Variants in BCAS3 observed in about 807,000 individuals in gnomAD.
The protein encoded by BCAS3 is BCAS4/BCAS3 fusion.
BCAS3 carries 53 observed loss-of-function variants against 116.1 expected under a neutral mutation model. The observed-to-expected ratio is 0.46, with a 90% confidence interval of 0.37 to 0.57. BCAS3 has a LOEUF of 0.57. Among genes scored for constraint, BCAS3 ranks in the 20% least tolerant of loss-of-function variants. The pLI is 0.00. For synonymous variants in BCAS3, 391 were observed against 408.2 expected, an observed-to-expected ratio of 0.96 and a Z score of 0.51; for missense variants, 917 against 1,165.4, an observed-to-expected ratio of 0.79 and a Z score of 3.10.
Position 61,392,213 on chromosome 17 carries a change from G to A in BCAS3, c.*88G>A. Reference sequence around the variant, plus strand: ...GCTCTGGTCCTACCCTTCAGTCTCTGCTCTTCCTTCATCAACCACCTTCCC... The same window carrying A: ...GCTCTGGTCCTACCCTTCAGTCTCTACTCTTCCTTCATCAACCACCTTCCC... On this transcript the variant is annotated 3_prime_UTR_variant, in exon 24 of 24. Transcript: ENST00000407086. This position sits in a 1 kb window ranked among gnomAD's most constrained non-coding sequence, Gnocchi z 6.4. The A allele has an allele frequency of 6.9e-7, 1 of 1,452,540 alleles. No homozygotes were observed. Among genetic ancestry groups the A allele is most frequent in the Admixed American group, 2.2e-5 (1 of 46,238 alleles). 90.0% of individuals were successfully genotyped at this position (1,452,540 alleles called of 1,614,324 possible). A position where few individuals can be genotyped will look rare whatever the true frequency, so the allele number is the denominator to read the frequency against.
rs372123212 is a variant in BCAS3 at position 61,222,677 on chromosome 17, TTTTG to T, written c.2425+138125_2425+138128del. Among the ~76,000 whole-genome samples the T allele has an allele frequency of 5.2e-3, 798 of 152,266 alleles. 5 individuals carry two copies. The highest frequency in any genetic ancestry group is 0.018 in the African/African-American group (751 of 41,560). ...TTATGTCACGTGGTATATGGGTTTT[TTTTG>T]TTTGTTTGTTTAATTTTCATTCAGC... is the stretch of plus-strand genomic sequence containing the variant. On this transcript the variant is annotated intron_variant, in intron 22 of 23. Coordinates refer to ENST00000407086, the MANE Select transcript of BCAS3 (RefSeq NM_017679.5). This position sits in a 1 kb window ranked among gnomAD's most constrained non-coding sequence, Gnocchi z 6.1.
At position 60,928,925 on chromosome 17, in the gene BCAS3, A is replaced by G. The variant is rs2059498272; in HGVS notation, c.1087+4425A>G. On this transcript the variant is annotated intron_variant, in intron 13 of 23. Transcript: ENST00000407086. ...ACATATACACACACATACATAGAGG[A>G]CATGTTTTAGTGAGGAAACTGCATT... Among the ~76,000 whole-genome samples the G allele has an allele frequency of 2.6e-5, 4 of 152,182 alleles. No individual in the cohort carries two copies. The South Asian group carries it at 6.2e-4, about 24-fold the overall frequency.
chr17:61,275,768 G>A (rs1050604438), intron 22 of BCAS3, among the ~76,000 whole-genome samples: 2 of 152,124 alleles, frequency 1.3e-5, no homozygotes, highest in Non-Finnish European at 2.9e-5. Flanking sequence ...CATCAGTGAC[G>A]GTAAGCATAA....
At chr17:60,885,744 C>A (rs943908096) in intron 9 of BCAS3, among the ~76,000 whole-genome samples, 1 of 146,632 alleles carries the variant, frequency 6.8e-6, no homozygotes, top group Non-Finnish European at 1.5e-5. Context: ...GTTGAAAATT[C>A]TTTTCTTTAA....
chr17:61,311,825 C>T (rs528989683), intron 22 of BCAS3, among the ~76,000 whole-genome samples: 11 of 152,120 alleles, frequency 7.2e-5, no homozygotes, highest in South Asian at 2.1e-4. Flanking sequence ...ACCTGGGAGG[C>T]GGAGGTTGCA....
At chr17:61,045,883 A>ATTATATATATAATATATATAAATATATAT (rs2068060409) in intron 19 of BCAS3, among the ~76,000 whole-genome samples, 2 of 44,202 alleles carry the variant, frequency 4.5e-5, no homozygotes, top group Non-Finnish European at 3.1e-5. Flanking sequence ...ATAAATATAT[A>ATTATATATATAATATATATAAATATATAT]TTATATATAT....
At chr17:60,972,632 T>G (rs993629534) in intron 14 of BCAS3, among the ~76,000 whole-genome samples, 3 of 151,778 alleles carry the variant, frequency 2.0e-5, no homozygotes, top group Non-Finnish European at 2.9e-5. Flanking sequence ...TTATAAAAAT[T>G]TTTTAGAGAG....
intron 22 of BCAS3, among the ~76,000 whole-genome samples, chr17:61,360,499 G>A (rs915042834): frequency 1.3e-5 from 2 of 152,180 alleles, no homozygotes; most frequent in Non-Finnish European, 2.9e-5. Context: ...TTCTGAAATC[G>A]GGGTGTGAGC....
chr17:60,911,064 T>G (rs925005084), intron 12 of BCAS3, among the ~76,000 whole-genome samples: 1 of 151,610 alleles, frequency 6.6e-6, no homozygotes, highest in African/African-American at 2.4e-5. Flanking sequence ...TTTTTGTGTG[T>G]AATGACATTT....
chr17:60,714,164 C>T (rs2038275432), intron 5 of BCAS3, among the ~76,000 whole-genome samples: 1 of 152,144 alleles, frequency 6.6e-6, no homozygotes, highest in Non-Finnish European at 1.5e-5. Flanking sequence ...GATGAAATCT[C>T]ACTATGTCGC....
chr17:60,910,542 G>A lies in BCAS3; in HGVS notation c.833G>A (p.Ser278Asn). The change falls in exon 12 of 24, where the codon AGT becomes AAT. Residue 278 changes from serine to asparagine, a missense_variant. Around this residue, in one of 3 missense-constraint regions of BCAS3, gnomAD observed 807 missense variants for 1,026.0 expected, o/e 0.79. Coordinates refer to ENST00000407086, the MANE Select transcript of BCAS3 (RefSeq NM_017679.5). ...CCTTTCATTGTACAGACATTGAAAAGTGGCCTGACAATGGTAGGGAAAGTG... is the reference window on the plus strand; with the variant it reads ...CCTTTCATTGTACAGACATTGAAAAATGGCCTGACAATGGTAGGGAAAGTG... ...TVISAAKTLK[S>N]GLTMVGKVVT... The A allele has an allele frequency of 1.2e-6, 2 of 1,604,862 alleles. No homozygotes were observed. Among genetic ancestry groups the A allele is most frequent in the Non-Finnish European group, 8.5e-7 (1 of 1,175,872 alleles).
chr17:60,809,662 T>A (rs1034344196), intron 7 of BCAS3, among the ~76,000 whole-genome samples: 1 of 152,252 alleles, frequency 6.6e-6, no homozygotes, highest in African/African-American at 2.4e-5. Context: ...TGATGACATG[T>A]GTGCTTTGAG....
intron 8 of BCAS3, among the ~76,000 whole-genome samples, chr17:60,870,329 G>T (rs1466494281): frequency 6.6e-6 from 1 of 152,080 alleles, no homozygotes; most frequent in Non-Finnish European, 1.5e-5. Flanking sequence ...GACTATGGTG[G>T]GAATTTATTG....
intron 7 of BCAS3, among the ~76,000 whole-genome samples, chr17:60,846,630 T>A (rs926435448): frequency 1.3e-5 from 2 of 152,182 alleles, no homozygotes; most frequent in Non-Finnish European, 2.9e-5. Context: ...GTTCAATATA[T>A]ATACATTTAG....
chr17:60,776,634 G>A (rs997117031), intron 6 of BCAS3, among the ~76,000 whole-genome samples: 3 of 150,172 alleles, frequency 2.0e-5, no homozygotes, highest in Non-Finnish European at 4.4e-5. Flanking sequence ...CCGGAGAATC[G>A]CTTGAACCTG....
rs2070968497 is a variant in BCAS3 at position 61,068,489 on chromosome 17, T to C, written c.2030-6431T>C. ...TTTCTCATCCAGCTCCTGTCAGTTG[T>C]CTGGACTATGTCCATATTATTCTTG... is the stretch of plus-strand genomic sequence containing the variant. On this transcript the variant is annotated intron_variant, in intron 19 of 23. Transcript: ENST00000407086. This position sits in a 1 kb window ranked among gnomAD's most constrained non-coding sequence, Gnocchi z 4.3. Among the ~76,000 whole-genome samples the C allele has an allele frequency of 6.6e-6, 1 of 152,240 alleles. No individual in the cohort carries two copies.
chr17:60,842,649 A>G (rs1416150501), intron 7 of BCAS3, among the ~76,000 whole-genome samples: 1 of 151,962 alleles, frequency 6.6e-6, no homozygotes, highest in Non-Finnish European at 1.5e-5. Context: ...TTATATTCTC[A>G]TCTAAGTAAG....
In BCAS3 at chr17:61,151,817, C is replaced by T. The variant is rs1876696895; in HGVS notation, c.2425+67253C>T. On this transcript the variant is annotated intron_variant, in intron 22 of 23. Coordinates refer to ENST00000407086, the MANE Select transcript of BCAS3 (RefSeq NM_017679.5). This position sits in a 1 kb window ranked among gnomAD's most constrained non-coding sequence, Gnocchi z 4.8. ...GTGCTCTTGGCAAGGTCTCTGGATA[C>T]AGTGTTGATGAGATAGACCACAGGC... 6.6e-6 allele frequency among the ~76,000 whole-genome samples: 1 copy of T among 152,160 alleles called. No individual in the cohort carries two copies. The highest frequency in any genetic ancestry group is 6.5e-5 in the Admixed American group (1 of 15,274).
At chr17:61,283,743 G>A (rs1185855827) in intron 22 of BCAS3, among the ~76,000 whole-genome samples, 3 of 152,018 alleles carry the variant, frequency 2.0e-5, no homozygotes, top group East Asian at 1.9e-4. Context: ...GTGAGCCACC[G>A]CACTTGGCCG....
Sources: allele counts gnomAD v4.1 joint callset (sites outside exome capture counted in the v4.1 genomes callset), GRCh38; gene constraint gnomAD v4.1.1; regional missense constraint gnomAD v4.1.1; non-coding constraint Gnocchi (gnomAD v3.1); transcripts MANE v1.5; gene names NCBI Gene and HGNC (gene_info 2026-07-23, HGNC 2026-07-21).